The following HPSE2 variants were observed in gnomAD, a reference collection of about 807,000 sequenced individuals.
The protein encoded by HPSE2 is heparanase 2 (inactive).
Under a neutral mutation model 60.5 loss-of-function variants are expected in HPSE2, and 38 were observed. That is an observed-to-expected ratio of 0.63 (90% CI 0.48 to 0.82). The LOEUF (loss-of-function observed/expected upper bound fraction) is 0.82, where lower values mean the gene tolerates loss of function less well. Ranked by LOEUF, HPSE2 falls within the 40% of genes least tolerant of loss-of-function variation. The pLI is 0.00. For missense variants in HPSE2, 713 were observed against 740.4 expected, an observed-to-expected ratio of 0.96 and a Z score of 0.43; for synonymous variants, 295 against 293.2, an observed-to-expected ratio of 1.01 and a Z score of -0.06.
At chr10:98,487,269 G>A (rs1941476022) in intron 10 of HPSE2, among the ~76,000 whole-genome samples, 1 of 152,208 alleles carries the variant, frequency 6.6e-6, no homozygotes, top group Non-Finnish European at 1.5e-5. Context: ...AAAAGCACCT[G>A]CTGGTGGTGG....
At chr10:99,184,976 G>GA (rs1236654654) in intron 2 of HPSE2, among the ~76,000 whole-genome samples, 1 of 150,548 alleles carries the variant, frequency 6.6e-6, no homozygotes, top group Non-Finnish European at 1.5e-5. Flanking sequence ...GAGAAGACAG[G>GA]AAAAAAGTAT....
intron 9 of HPSE2, among the ~76,000 whole-genome samples, chr10:98,512,859 C>T (rs539625687): frequency 2.1e-3 from 168 of 78,908 alleles, no homozygotes; most frequent in African/African-American, 5.4e-3. Context: ...ACTTTGTTAA[C>T]TCAACTGAGA....
the HPSE2 span, among the ~76,000 whole-genome samples, chr10:99,307,009 C>T: frequency 6.6e-6 from 1 of 152,180 alleles, no homozygotes; most frequent in African/African-American, 2.4e-5. Flanking sequence ...CATGCCTGGC[C>T]TTTCTTTACT....
intron 3 of HPSE2, among the ~76,000 whole-genome samples, chr10:99,140,731 A>G (rs1011607013): frequency 6.6e-6 from 1 of 152,212 alleles, no homozygotes; most frequent in Non-Finnish European, 1.5e-5. Context: ...ATACACGTCA[A>G]TATTATACCT....
chr10:99,073,475 G>A (rs1385940237), intron 3 of HPSE2, among the ~76,000 whole-genome samples: 1 of 152,046 alleles, frequency 6.6e-6, no homozygotes, highest in Non-Finnish European at 1.5e-5. Context: ...GGGCCTGTTG[G>A]GGGTGGGGTG....
upstream of HPSE2, among the ~76,000 whole-genome samples, chr10:99,236,831 G>A (rs1015800118): frequency 5.9e-5 from 9 of 152,126 alleles, no homozygotes; most frequent in African/African-American, 1.9e-4. Flanking sequence ...GCGGCTCTGC[G>A]TCCAACTGTG....
chr10:98,975,896 T>C (rs373813940), intron 3 of HPSE2, among the ~76,000 whole-genome samples: 1 of 152,192 alleles, frequency 6.6e-6, no homozygotes, highest in Non-Finnish European at 1.5e-5. Context: ...AAGAATCTTA[T>C]AATTAATTCA....
chr10:98,680,075 G>A (rs1404759300), intron 6 of HPSE2, among the ~76,000 whole-genome samples: 2 of 152,124 alleles, frequency 1.3e-5, no homozygotes, highest in African/African-American at 4.8e-5. Context: ...TGCATTGACT[G>A]GAAAAATACA....
At chr10:99,211,215 A>G (rs755064974) in intron 2 of HPSE2, among the ~76,000 whole-genome samples, 3 of 152,166 alleles carry the variant, frequency 2.0e-5, no homozygotes, top group Non-Finnish European at 4.4e-5. Context: ...AAACAGGTAA[A>G]AGACTCGTAC....
chr10:99,268,892 C>T, the HPSE2 span, among the ~76,000 whole-genome samples: 8 of 151,946 alleles, frequency 5.3e-5, no homozygotes, highest in East Asian at 7.8e-4. Flanking sequence ...TGGTGGCTCA[C>T]GCCTGTAATC....
chr10:98,887,377 G>A (rs779185157), intron 3 of HPSE2, among the ~76,000 whole-genome samples: 1 of 152,144 alleles, frequency 6.6e-6, no homozygotes, highest in Non-Finnish European at 1.5e-5. Context: ...CATGGGAAGT[G>A]CTAAATTTAA....
chr10:98,985,141 C>T (rs192493625), intron 3 of HPSE2, among the ~76,000 whole-genome samples: 23 of 151,990 alleles, frequency 1.5e-4, no homozygotes, highest in Admixed American at 4.6e-4. Context: ...ATACAGAGAA[C>T]GCCACAAAGA....
chr10:98,943,248 ATT>A (rs1420790678), intron 3 of HPSE2, among the ~76,000 whole-genome samples: 60 of 151,654 alleles, frequency 4.0e-4, no homozygotes, highest in African/African-American at 1.4e-3. Context: ...ACAATAAAAA[ATT>A]ATAATAAAAA....
At chr10:99,074,104 G>C (rs1321851180) in intron 3 of HPSE2, among the ~76,000 whole-genome samples, 1 of 152,022 alleles carries the variant, frequency 6.6e-6, no homozygotes, top group African/African-American at 2.4e-5. Flanking sequence ...TTGAACAGAA[G>C]CGATGTGAGT....
At chr10:99,095,548 C>T (rs1218176193) in intron 3 of HPSE2, among the ~76,000 whole-genome samples, 1 of 152,182 alleles carries the variant, frequency 6.6e-6, no homozygotes, top group African/African-American at 2.4e-5. Flanking sequence ...GCAGGCACTC[C>T]CCATGTCCTT....
intron 3 of HPSE2, among the ~76,000 whole-genome samples, chr10:98,863,218 T>A (rs1166914599): frequency 1.3e-5 from 2 of 152,034 alleles, no homozygotes; most frequent in Non-Finnish European, 2.9e-5. Flanking sequence ...TGGAAAAAAT[T>A]GGAAAAGAAA....
intron 3 of HPSE2, among the ~76,000 whole-genome samples, chr10:99,048,980 A>T (rs1339747858): frequency 6.6e-6 from 1 of 152,230 alleles, no homozygotes; most frequent in Non-Finnish European, 1.5e-5. Context: ...ACACAGGAAC[A>T]GAAAACCAAG....
chr10:98,792,008 T>A (rs1950665107), intron 3 of HPSE2, among the ~76,000 whole-genome samples: 1 of 152,198 alleles, frequency 6.6e-6, no homozygotes, highest in South Asian at 2.1e-4. Flanking sequence ...CAGTTAAAAG[T>A]TACCTGTCTC....
chr10:98,940,490 G>A (rs1954958525), intron 3 of HPSE2, among the ~76,000 whole-genome samples: 2 of 143,908 alleles, frequency 1.4e-5, no homozygotes, highest in African/African-American at 2.8e-5. Flanking sequence ...TAGAAGAAAT[G>A]GATAAATTCC....
Sources: gnomAD v4.1 joint callset for allele counts (sites outside exome capture counted in the v4.1 genomes callset) on GRCh38, gnomAD v4.1.1 for gene constraint, MANE v1.5 for transcripts, NCBI Gene and HGNC (gene_info 2026-07-23, HGNC 2026-07-21) for gene names.